Variants in LMNA observed in about 807,000 individuals in gnomAD.
The protein encoded by LMNA is lamin A/C.
In LMNA, 20 loss-of-function variants were observed where a neutral mutation model predicts 70.4. The observed-to-expected ratio is 0.28, with a 90% CI of 0.20 to 0.41. The LOEUF (loss-of-function observed/expected upper bound fraction) is 0.41, where lower values mean the gene tolerates loss of function less well. Among genes scored for constraint, LMNA ranks in the 10% least tolerant of loss-of-function variants. The pLI is 1.00. For synonymous variants in LMNA, 339 were observed against 372.8 expected (o/e 0.91, Z 1.04); for missense variants, 652 against 917.2 (o/e 0.71, Z 3.73).
chr1:156,100,084 C>A (rs1342217036), intron 3 of LMNA, among the ~76,000 whole-genome samples: 1 of 152,112 alleles, frequency 6.6e-6, no homozygotes, highest in Admixed American at 6.5e-5. Flanking sequence ...CAGGACCCCT[C>A]TGCATAGCCC....
At position 156,136,167 on chromosome 1, in the gene LMNA, C is replaced by T. The variant is rs375064807; in HGVS notation, c.1157+46C>T. On this transcript the variant is annotated intron_variant, in intron 6 of 11. Coordinates refer to ENST00000368300, the MANE Select transcript of LMNA (RefSeq NM_170707.4). The surrounding 1 kb of genome is among the most constrained non-coding windows in gnomAD (Gnocchi z 6.1). The stretch of plus-strand genomic sequence containing the variant: ...GGAGGTGCTGGCAGTGTCCTCTGGC[C>T]GGCAACTGGCCTTGACTAGACCCCC... 2.2e-5 allele frequency: 36 copies of T among 1,612,796 alleles called. No homozygotes were observed. The highest frequency in any genetic ancestry group is 5.3e-5 in the African/African-American group (4 of 74,914).
intron 3 of LMNA, among the ~76,000 whole-genome samples, chr1:156,101,093 A>G (rs1299507759): frequency 3.3e-5 from 5 of 152,226 alleles, no homozygotes; most frequent in Admixed American, 3.3e-4. Flanking sequence ...CTCGGAGGGC[A>G]TTACAAGTCA....
intron 3 of LMNA, among the ~76,000 whole-genome samples, chr1:156,108,474 T>A (rs1649428881): frequency 6.6e-6 from 1 of 152,100 alleles, no homozygotes; most frequent in South Asian, 2.1e-4. Context: ...GGCAAACTCG[T>A]ATTAAAATTT....
chr1:156,088,319 C>A (rs1404343453), intron 2 of LMNA, among the ~76,000 whole-genome samples: 1 of 151,712 alleles, frequency 6.6e-6, no homozygotes, highest in African/African-American at 2.4e-5. Context: ...TTTTTGTTTT[C>A]TTTTTTTTAA....
In LMNA at chr1:156,115,041, C is replaced by T. The variant is rs1490979378; in HGVS notation, c.123C>T (p.Arg41=). ...EKEDLQELND[R]LAVYIDRVRS... The stretch of plus-strand genomic sequence containing the variant: ...AGGACCTGCAGGAGCTCAATGATCG[C>T]TTGGCGGTCTACATCGACCGTGTGC... The change falls in exon 1 of 12, where the codon CGC becomes CGT. Residue 41 remains arginine (R), a synonymous_variant. Coordinates refer to ENST00000368300, the MANE Select transcript of LMNA (RefSeq NM_170707.4). The surrounding 1 kb of genome is among the most constrained non-coding windows in gnomAD (Gnocchi z 5.8). 1 of 1,597,670 alleles carries T rather than the reference C, an allele frequency of 6.3e-7. No individual in the cohort carries two copies. The highest frequency in any genetic ancestry group is 8.5e-7 in the Non-Finnish European group (1 of 1,172,242).
In LMNA at chr1:156,135,396, T is replaced by C. The variant is rs1212252527; in HGVS notation, c.936+84T>C. On this transcript the variant is annotated intron_variant, in intron 5 of 11. Transcript: ENST00000368300. The surrounding 1 kb of genome is among the most constrained non-coding windows in gnomAD (Gnocchi z 4.8). Reference sequence around the variant, plus strand: ...GGAAGCCCAGGGTTGGGGGTGGGGGTGGGGGTGGGAGGTTCCTGAGGAGGA... The same window carrying C: ...GGAAGCCCAGGGTTGGGGGTGGGGGCGGGGGTGGGAGGTTCCTGAGGAGGA... 5.9e-6 allele frequency: 3 copies of C among 505,228 alleles called. No homozygotes were observed. The highest frequency in any genetic ancestry group is 1.3e-4 in the East Asian group (2 of 15,612). 31.3% of individuals were successfully genotyped at this position (505,228 alleles called of 1,614,324 possible). A position where few individuals can be genotyped will look rare whatever the true frequency, so the allele number is the denominator to read the frequency against.
chr1:156,135,440 C>T lies in LMNA; in HGVS notation c.936+128C>T. ...AGGAGGAGAGGGATGAAAAGTGTCC[C>T]CACAACCACAGAGAAGGGTCGCAGG... On this transcript the variant is annotated intron_variant, in intron 5 of 11. Coordinates refer to ENST00000368300, the MANE Select transcript of LMNA (RefSeq NM_170707.4). This position sits in a 1 kb window ranked among gnomAD's most constrained non-coding sequence, Gnocchi z 4.8. 1 of 1,241,054 alleles carries T rather than the reference C, an allele frequency of 8.1e-7. No individual in the cohort carries two copies. The highest frequency in any genetic ancestry group is 1.1e-6 in the Non-Finnish European group (1 of 877,074). The allele number at this position is 1,241,054 out of a possible 1,614,324, so 76.9% of individuals were successfully genotyped here. A position where few individuals can be genotyped will look rare whatever the true frequency, so the allele number is the denominator to read the frequency against.
chr1:156,138,567 A>G lies in LMNA; in HGVS notation c.1778A>G (p.Gln593Arg), dbSNP rs1164745437. ...ACCGTGCTGTGCGGGACCTGCGGGC[A>G]GCCTGCCGACAAGGCATCTGCCAGC... ...SRTVLCGTCG[Q>R]PADKASASGS... is the part of the protein sequence containing the mutation. Residue 593 changes from glutamine (Q) to arginine (R), a missense_variant, in exon 11 of 12, where the codon CAG becomes CGG. Gln to Arg is a conservative substitution (Grantham distance 43). Around this residue, in one of 4 missense-constraint regions of LMNA, gnomAD observed 327 missense variants for 387.6 expected, o/e 0.84. Transcript: ENST00000368300. This position sits in a 1 kb window ranked among gnomAD's most constrained non-coding sequence, Gnocchi z 5.5. 1 of 1,612,720 alleles carries G rather than the reference A, an allele frequency of 6.2e-7. No homozygotes were observed. Among genetic ancestry groups the G allele is most frequent in the Non-Finnish European group, 8.5e-7 (1 of 1,179,820 alleles).
chr1:156,120,802 C>T (rs1006355423), intron 1 of LMNA, among the ~76,000 whole-genome samples: 11 of 152,194 alleles, frequency 7.2e-5, no homozygotes, highest in Non-Finnish European at 1.3e-4. Context: ...TACCTGGACC[C>T]AGGACCCCTG....
intron 2 of LMNA, among the ~76,000 whole-genome samples, chr1:156,133,149 C>A (rs1322431563): frequency 6.6e-6 from 1 of 151,820 alleles, no homozygotes; most frequent in Non-Finnish European, 1.5e-5. Context: ...AAGACGTGTT[C>A]TCTCTATGTT....
At position 156,097,109 on chromosome 1, in the gene LMNA, G is replaced by C. The variant is rs528024962; in HGVS notation, c.-207+6527G>C. ...AAATGAGAGGCGGTGAAGTCAGTCA[G>C]TGAGTCAAAAGCTGAGATCTAGGAA... is the stretch of plus-strand genomic sequence containing the variant. On this transcript the variant is annotated intron_variant, in intron 3 of 12. Transcript: ENST00000368301. Among the ~76,000 whole-genome samples, 4 of 152,320 alleles carry C rather than the reference G, an allele frequency of 2.6e-5. No individual in the cohort carries two copies. In the South Asian group the frequency reaches 8.3e-4, roughly 32 times the overall value.
At chr1:156,112,351 A>C (rs1323927539), upstream of LMNA, among the ~76,000 whole-genome samples, 1 of 151,846 alleles carries the variant, frequency 6.6e-6, no homozygotes, top group East Asian at 1.9e-4. Flanking sequence ...CTGCCACCGC[A>C]CTCCAGCCTG....
intron 1 of LMNA, among the ~76,000 whole-genome samples, chr1:156,127,686 ATTTTT>A (rs34481489): frequency 7.9e-6 from 1 of 125,800 alleles, no homozygotes; most frequent in Non-Finnish European, 1.7e-5. Flanking sequence ...ACCCAGCTAA[ATTTTT>A]TTTTTTTTTT....
rs915901964 is a variant in LMNA, at chr1:156,138,325, G to A, written c.1699-163G>A. 26 of 692,810 alleles carry A rather than the reference G, an allele frequency of 3.8e-5. No homozygotes were observed. The East Asian group carries it at 4.4e-4, about 12-fold the overall frequency. 42.9% of individuals were successfully genotyped at this position (692,810 alleles called of 1,614,324 possible). ...TTTTATGTCTTCCCTCTCCTCCTCC[G>A]GGCCCCTAGCCTCCCAAACCCCCAT... On this transcript the variant is annotated intron_variant, in intron 10 of 11. Coordinates refer to ENST00000368300, the MANE Select transcript of LMNA (RefSeq NM_170707.4). The surrounding 1 kb of genome is among the most constrained non-coding windows in gnomAD (Gnocchi z 5.5).
In LMNA at chr1:156,115,943, C is replaced by G. The variant is rs1032975845; in HGVS notation, c.356+669C>G. Reference sequence around the variant, plus strand: ...CTGCGTGTCTGGGACCTTCCTTGGGCTCTGACAGGCCCACCAAAAGAGCTC... The same window carrying G: ...CTGCGTGTCTGGGACCTTCCTTGGGGTCTGACAGGCCCACCAAAAGAGCTC... On this transcript the variant is annotated intron_variant, in intron 1 of 11. Coordinates refer to ENST00000368300, the MANE Select transcript of LMNA (RefSeq NM_170707.4). The surrounding 1 kb of genome is among the most constrained non-coding windows in gnomAD (Gnocchi z 5.8). Among the ~76,000 whole-genome samples the G allele has an allele frequency of 1.3e-5, 2 of 152,244 alleles. No homozygotes were observed. The highest frequency in any genetic ancestry group is 2.9e-5 in the Non-Finnish European group (2 of 68,034).
At chr1:156,120,963 C>T (rs1159778102) in intron 1 of LMNA, among the ~76,000 whole-genome samples, 2 of 151,694 alleles carry the variant, frequency 1.3e-5, no homozygotes, top group Non-Finnish European at 2.9e-5. Context: ...GGGTTGGAGA[C>T]CTTTGAGGAT....
rs752050337 is a variant in LMNA at position 156,139,151 on chromosome 1, C to T, written c.*45C>T. 81 of 1,612,792 alleles carry T rather than the reference C, an allele frequency of 5.0e-5. No individual in the cohort carries two copies. The highest frequency in any genetic ancestry group is 6.1e-5 in the Non-Finnish European group (72 of 1,179,748). On this transcript the variant is annotated 3_prime_UTR_variant, in exon 12 of 12. Coordinates refer to ENST00000368300, the MANE Select transcript of LMNA (RefSeq NM_170707.4). ...GGGTGGGGGTGGAGGCTTCCTGCGT[C>T]CTCCTCACCTCATGCCCACCCCCTG...
intron 2 of LMNA, among the ~76,000 whole-genome samples, chr1:156,087,243 C>CTT (rs1167426596): frequency 3.5e-5 from 5 of 143,740 alleles, no homozygotes; most frequent in African/African-American, 2.5e-5. Context: ...CTTTTCTTTC[C>CTT]TTTTTTTTTT....
At chr1:156,122,353 C>A (rs777772263) in intron 1 of LMNA, among the ~76,000 whole-genome samples, 3 of 152,046 alleles carry the variant, frequency 2.0e-5, no homozygotes, top group Non-Finnish European at 4.4e-5. Context: ...AGTACAGTGA[C>A]CCACAAAGTG....
Sources: gnomAD v4.1 joint callset for allele counts (sites outside exome capture counted in the v4.1 genomes callset) on GRCh38, gnomAD v4.1.1 for gene constraint, gnomAD v4.1.1 regional missense constraint, Gnocchi (gnomAD v3.1) non-coding constraint, MANE v1.5 for transcripts, NCBI Gene and HGNC (gene_info 2026-07-23, HGNC 2026-07-21) for gene names.